LSS: variants seen among roughly 807,000 people sequenced by gnomAD.
LSS encodes the protein 2,3-epoxysqualene-lanosterol cyclase.
Under a neutral mutation model 110.3 loss-of-function variants are expected in LSS, and 90 were observed. The ratio of observed to expected loss-of-function variants is 0.82; its 90% CI spans 0.69 to 0.97. The LOEUF is 0.97. Among genes scored for constraint, LSS ranks in the 50% least tolerant of loss-of-function variants. The probability of loss-of-function intolerance (pLI) is 0.00; values close to 1 mark genes in which losing one functional copy is unlikely to be tolerated. For synonymous variants in LSS, 433 were observed against 400.0 expected (o/e 1.08, Z -0.98); for missense variants, 927 against 990.0 (o/e 0.94, Z 0.85).
Position 46,228,517 on chromosome 21 carries a change from G to T in LSS, c.97C>A (p.Arg33=). The change falls in exon 2 of 22, where the codon CGG becomes AGG. Residue 33 remains arginine, a synonymous_variant. Coordinates refer to ENST00000397728, the MANE Select transcript of LSS (RefSeq NM_002340.6). ...GRWRLNCERG[R]QTWTYLQDER... ...TCCTGCAGGTAGGTCCACGTCTGCC[G>T]GCCCCTCTCGCAGTTGAGTCGCCAG... The T allele has an allele frequency of 6.2e-7, 1 of 1,601,168 alleles. No individual in the cohort carries two copies.
At chr21:46,215,986 C>G (rs541630947) in intron 7 of LSS, among the ~76,000 whole-genome samples, 193 bp from the exon 8 acceptor site, 3 of 152,258 alleles carry the variant, frequency 2.0e-5, no homozygotes, top group African/African-American at 7.2e-5. Context: ...AGGAGCTCCC[C>G]AGCTCCATGA....
chr21:46,222,899 T>G lies in LSS; in HGVS notation c.320-161A>C, dbSNP rs548317623. Among the ~76,000 whole-genome samples, 298 of 152,252 alleles carry G rather than the reference T, an allele frequency of 2.0e-3. 1 individual carries two copies. Among genetic ancestry groups the G allele is most frequent in the Admixed American group, 4.2e-3 (64 of 15,298 alleles). On this transcript the variant is annotated intron_variant, in intron 3 of 21. Coordinates refer to ENST00000397728, the MANE Select transcript of LSS (RefSeq NM_002340.6). ...TCCTCCCAGGCCCCCATGGGGAACT[T>G]TGGGAACAGGGCCAGAAGGAACGTC...
intron 17 of LSS, among the ~76,000 whole-genome samples, chr21:46,198,677 G>A (rs886703647): frequency 6.6e-6 from 1 of 152,014 alleles, no homozygotes; most frequent in African/African-American, 2.4e-5. Context: ...TTGCTGAGAA[G>A]AACAAACAGA....
chr21:46,202,676 C>A (rs1057512123), intron 17 of LSS, among the ~76,000 whole-genome samples: 5 of 151,750 alleles, frequency 3.3e-5, no homozygotes, highest in Admixed American at 2.6e-4. Flanking sequence ...TTGAGCCCAG[C>A]AGTTCAAGAC....
Position 46,190,882 on chromosome 21 carries a change from G to A in LSS, c.*222C>T, listed in dbSNP as rs1601405892. 5.3e-6 allele frequency: 3 copies of A among 566,166 alleles called. No homozygotes were observed. The highest frequency in any genetic ancestry group is 2.9e-5 in the East Asian group (1 of 34,744). The allele number at this position is 566,166 out of a possible 1,614,324, so 35.1% of individuals were successfully genotyped here. A position where few individuals can be genotyped will look rare whatever the true frequency, so the allele number is the denominator to read the frequency against. The stretch of plus-strand genomic sequence containing the variant: ...TGTGCCCCCTTCCTCACCCAAGCCC[G>A]ACAAGCTACTTTCAGAAATGAACCT... On this transcript the variant is annotated 3_prime_UTR_variant, in exon 22 of 22. Transcript: ENST00000397728. The surrounding 1 kb of genome is among the most constrained non-coding windows in gnomAD (Gnocchi z 4.6).
intron 10 of LSS, 78 bp downstream of exon 10, chr21:46,213,660 C>T (rs1040475064): frequency 2.3e-6 from 3 of 1,308,834 alleles, no homozygotes; most frequent in Non-Finnish European, 3.2e-6. Flanking sequence ...ACCGTGGGGG[C>T]CCCCTCACTG....
At chr21:46,214,851 A>G (rs2080178906) in intron 9 of LSS, among the ~76,000 whole-genome samples, 1 of 152,158 alleles carries the variant, frequency 6.6e-6, no homozygotes, top group South Asian at 2.1e-4. Context: ...GAACCAAGTG[A>G]GGAAAAAGCA....
Position 46,201,940 on chromosome 21 carries a change from A to G in LSS, c.1670+3896T>C, listed in dbSNP as rs923259519. Among the ~76,000 whole-genome samples the G allele has an allele frequency of 6.3e-4, 95 of 150,392 alleles. 1 individual carries two copies. Among genetic ancestry groups the G allele is most frequent in the East Asian group, 4.1e-3 (20 of 4,862 alleles). ...AGCCTCCCGAGTAGCTGGGACTACAAGCGCCCGCCACCACGCCCGGCTAAT... is the reference window on the plus strand; with the variant it reads ...AGCCTCCCGAGTAGCTGGGACTACAGGCGCCCGCCACCACGCCCGGCTAAT... On this transcript the variant is annotated intron_variant, in intron 17 of 21. Transcript: ENST00000397728.
intron 17 of LSS, among the ~76,000 whole-genome samples, chr21:46,201,839 C>T (rs1387807123): frequency 6.7e-6 from 1 of 150,290 alleles, no homozygotes; most frequent in East Asian, 2.0e-4. Context: ...GCACTCTCGC[C>T]TAGGCTGGAG....
chr21:46,210,803 G>A lies in LSS; in HGVS notation c.1138-59C>T, dbSNP rs1047490849. Reference sequence around the variant, plus strand: ...GCAGCCCCTCCCACTCCCAGCCACTGCCTCCAGGATCCAATGGGCGCCTGA... The same window carrying A: ...GCAGCCCCTCCCACTCCCAGCCACTACCTCCAGGATCCAATGGGCGCCTGA... On this transcript the variant is annotated intron_variant, in intron 11 of 21. Transcript: ENST00000397728. 24 of 1,548,498 alleles carry A rather than the reference G, an allele frequency of 1.5e-5. No individual in the cohort carries two copies. The Admixed American group carries it at 4.1e-4, about 26-fold the overall frequency.
rs138129293 is a variant in LSS at position 46,210,705 on chromosome 21, T to C, written c.1177A>G (p.Ile393Val). The change falls in exon 12 of 22, where the codon ATC becomes GTC. Residue 393 changes from isoleucine to valine, a missense_variant. By Grantham distance (29) the Ile-to-Val change is conservative. Coordinates refer to ENST00000397728, the MANE Select transcript of LSS (RefSeq NM_002340.6). ...GSQIWDTAFA[I>V]QALLEAGGHH... ...CCACGAACCTCAAGCAGAGCCTGGA[T>C]GGCGAATGCGGTGTCCCAGATCTGT... 1 of 1,614,058 alleles carries C rather than the reference T, an allele frequency of 6.2e-7. No homozygotes were observed. Among genetic ancestry groups the C allele is most frequent in the East Asian group, 2.2e-5 (1 of 44,878 alleles).
chr21:46,214,560 A>T (rs991370376), intron 9 of LSS, among the ~76,000 whole-genome samples: 2 of 152,016 alleles, frequency 1.3e-5, no homozygotes, highest in African/African-American at 4.8e-5. Flanking sequence ...AACCCACTAC[A>T]CCGCAGCAGC....
At chr21:46,199,337 TAGAA>T (rs1388654403) in intron 17 of LSS, among the ~76,000 whole-genome samples, 1 of 152,194 alleles carries the variant, frequency 6.6e-6, no homozygotes. Flanking sequence ...ACACACCTCT[TAGAA>T]AGGCTAAAAC....
intron 10 of LSS, 55 bp downstream of exon 10, chr21:46,213,683 G>A: frequency 6.7e-7 from 1 of 1,499,230 alleles, no homozygotes; most frequent in South Asian, 1.2e-5. Flanking sequence ...ATGCAGCTGG[G>A]GCTCAGATCC....
intron 6 of LSS, among the ~76,000 whole-genome samples, chr21:46,217,648 C>T (rs2080223999): frequency 6.6e-6 from 1 of 152,184 alleles, no homozygotes; most frequent in African/African-American, 2.4e-5. Flanking sequence ...CTCCAAGCAA[C>T]TCCAGCAAAG....
chr21:46,218,947 G>C (rs901860343), intron 6 of LSS, among the ~76,000 whole-genome samples: 1 of 152,006 alleles, frequency 6.6e-6, no homozygotes, highest in East Asian at 1.9e-4. Flanking sequence ...GGATGGTCTC[G>C]ATCCCTTGAC....
intron 14 of LSS, 40 bp downstream of exon 14, chr21:46,208,211 C>T (rs2080078877): frequency 1.3e-6 from 2 of 1,548,984 alleles, no homozygotes; most frequent in Admixed American, 2.0e-5. Flanking sequence ...GGCGGCCTCC[C>T]CTGGGGGACG....
intron 14 of LSS, 148 bp downstream of exon 14, chr21:46,208,103 G>C: frequency 1.5e-6 from 1 of 686,780 alleles, no homozygotes; most frequent in South Asian, 1.8e-5. Context: ...TGAGCCCCTA[G>C]GCCAGGCATC....
intron 17 of LSS, among the ~76,000 whole-genome samples, chr21:46,202,221 C>T (rs1296896143): frequency 9.0e-5 from 13 of 143,676 alleles, no homozygotes; most frequent in African/African-American, 2.8e-4. Context: ...GGTGAAACCC[C>T]GTCTCTACTA....
Sources: allele counts gnomAD v4.1 joint callset (sites outside exome capture counted in the v4.1 genomes callset), GRCh38; gene constraint gnomAD v4.1.1; non-coding constraint Gnocchi (gnomAD v3.1); transcripts MANE v1.5; gene names NCBI Gene and HGNC (gene_info 2026-07-23, HGNC 2026-07-21).